CSMD3: variants seen among roughly 807,000 people sequenced by gnomAD.
CSMD3 encodes CUB and Sushi multiple domains 3.
In CSMD3, 177 loss-of-function variants were observed where a neutral mutation model predicts 435.2. That is an observed-to-expected ratio of 0.41 (90% CI 0.36 to 0.46). The LOEUF (loss-of-function observed/expected upper bound fraction) is 0.46, where lower values mean the gene tolerates loss of function less well. CSMD3 is among the 20% of genes least tolerant of loss of function. CSMD3 has a pLI of 0.34. For synonymous variants in CSMD3, 1,656 were observed against 1,520.5 expected, an observed-to-expected ratio of 1.09 and a Z score of -2.07; for missense variants, 4,265 against 4,504.6, an observed-to-expected ratio of 0.95 and a Z score of 1.52.
chr8:112,268,083 T>TA (rs532648467), intron 59 of CSMD3, among the ~76,000 whole-genome samples: 122 of 152,300 alleles, frequency 8.0e-4, no homozygotes, highest in African/African-American at 2.9e-3. Flanking sequence ...CCTTCTTAAA[T>TA]ACCCATCTCT....
chr8:112,973,539 G>C (rs972029264), intron 7 of CSMD3, among the ~76,000 whole-genome samples: 1 of 151,804 alleles, frequency 6.6e-6, no homozygotes, highest in African/African-American at 2.4e-5. Context: ...AAGCATTTTA[G>C]GCATGTGTCT....
chr8:112,990,088 C>T (rs923664053), intron 6 of CSMD3, among the ~76,000 whole-genome samples: 1 of 151,982 alleles, frequency 6.6e-6, no homozygotes, highest in Non-Finnish European at 1.5e-5. Context: ...GAGGCCTCCC[C>T]AGCCACGTGG....
intron 23 of CSMD3, among the ~76,000 whole-genome samples, chr8:112,579,150 T>C (rs1409329170): frequency 1.3e-5 from 2 of 152,052 alleles, no homozygotes; most frequent in Non-Finnish European, 2.9e-5. Context: ...CAGAACTTCA[T>C]TAGTTTGTAA....
intron 32 of CSMD3, among the ~76,000 whole-genome samples, chr8:112,423,849 C>T (rs1171935494): frequency 6.6e-6 from 1 of 152,082 alleles, no homozygotes; most frequent in African/African-American, 2.4e-5. Flanking sequence ...TGTCCCAAAG[C>T]TTTTATATAT....
chr8:113,287,005 AT>A (rs2093651577), intron 2 of CSMD3, among the ~76,000 whole-genome samples: 1 of 152,006 alleles, frequency 6.6e-6, no homozygotes, highest in Non-Finnish European at 1.5e-5. Flanking sequence ...AAGTGGTACT[AT>A]TACAAACTCT....
At chr8:112,374,377 T>C (rs1828743143) in intron 38 of CSMD3, among the ~76,000 whole-genome samples, 1 of 152,132 alleles carries the variant, frequency 6.6e-6, no homozygotes, top group Non-Finnish European at 1.5e-5. Context: ...TCTGTATCCT[T>C]TCAGTTTTCT....
At chr8:113,076,457 G>T (rs1219085781) in intron 5 of CSMD3, among the ~76,000 whole-genome samples, 3 of 151,896 alleles carry the variant, frequency 2.0e-5, no homozygotes, top group Non-Finnish European at 2.9e-5. Flanking sequence ...AAGTCCTTCA[G>T]TTAGAGGCAG....
At chr8:113,333,004 G>A (rs2094040049) in intron 1 of CSMD3, among the ~76,000 whole-genome samples, 1 of 151,610 alleles carries the variant, frequency 6.6e-6, no homozygotes, top group Non-Finnish European at 1.5e-5. Flanking sequence ...GAGTGTGGGG[G>A]AGTCAAGAGG....
intron 24 of CSMD3, among the ~76,000 whole-genome samples, chr8:112,561,438 A>T (rs137867006): frequency 2.9e-4 from 44 of 151,732 alleles, no homozygotes; most frequent in African/African-American, 8.7e-4. Context: ...CTCCAAAGAT[A>T]TCTAATATAT....
intron 3 of CSMD3, among the ~76,000 whole-genome samples, chr8:113,207,866 T>A (rs1248577368): frequency 6.6e-6 from 1 of 152,122 alleles, no homozygotes; most frequent in Admixed American, 6.5e-5. Context: ...GATTTTTAAA[T>A]CATTAGGACA....
intron 22 of CSMD3, among the ~76,000 whole-genome samples, chr8:112,602,157 A>G (rs945250589): frequency 6.6e-6 from 1 of 152,232 alleles, no homozygotes; most frequent in Non-Finnish European, 1.5e-5. Context: ...GAGACCCCCA[A>G]TATCTAATTC....
At chr8:112,405,098 G>A (rs1360538423) in intron 35 of CSMD3, among the ~76,000 whole-genome samples, 1 of 144,740 alleles carries the variant, frequency 6.9e-6, no homozygotes, top group Admixed American at 7.0e-5. Flanking sequence ...GAGGCAGGAG[G>A]CTTTAACCTG....
chr8:113,432,849 C>T (rs2094683379), intron 1 of CSMD3, among the ~76,000 whole-genome samples: 1 of 152,198 alleles, frequency 6.6e-6, no homozygotes, highest in Admixed American at 6.5e-5. Context: ...ACCCGCCAGG[C>T]GTTTCCGCCT....
At chr8:112,953,850 G>A (rs958379909) in intron 8 of CSMD3, among the ~76,000 whole-genome samples, 4 of 151,354 alleles carry the variant, frequency 2.6e-5, no homozygotes, top group Non-Finnish European at 4.4e-5. Flanking sequence ...TACTCTTGTT[G>A]AAGAATAAAA....
At chr8:113,405,569 TC>T (rs1467812954) in intron 1 of CSMD3, among the ~76,000 whole-genome samples, 1 of 151,580 alleles carries the variant, frequency 6.6e-6, no homozygotes. Flanking sequence ...GAAAACTAAG[TC>T]AGTTTCACAG....
At chr8:113,288,149 CTATT>C (rs370026823) in intron 2 of CSMD3, among the ~76,000 whole-genome samples, 94 of 151,836 alleles carry the variant, frequency 6.2e-4, no homozygotes, top group African/African-American at 2.2e-3. Flanking sequence ...ATATTCTTAA[CTATT>C]TGTGTAAAAC....
At chr8:112,549,727 T>A (rs1827509506) in intron 27 of CSMD3, among the ~76,000 whole-genome samples, 1 of 152,038 alleles carries the variant, frequency 6.6e-6, no homozygotes, top group Non-Finnish European at 1.5e-5. Flanking sequence ...CACATGATTC[T>A]GTTAGATTTA....
intron 10 of CSMD3, among the ~76,000 whole-genome samples, chr8:112,877,141 C>G (rs2081306520): frequency 6.6e-6 from 1 of 152,102 alleles, no homozygotes; most frequent in Admixed American, 6.5e-5. Flanking sequence ...ATTCCATGCT[C>G]ATGGATAGGA....
At chr8:112,360,875 CA>C (rs748925709) in intron 38 of CSMD3, among the ~76,000 whole-genome samples, 1 of 151,824 alleles carries the variant, frequency 6.6e-6, no homozygotes, top group Non-Finnish European at 1.5e-5. Context: ...TTTTTTGCAG[CA>C]GTTTCTTTTT....
Sources: gnomAD v4.1 joint callset for allele counts (sites outside exome capture counted in the v4.1 genomes callset) on GRCh38, gnomAD v4.1.1 for gene constraint, MANE v1.5 for transcripts, NCBI Gene and HGNC (gene_info 2026-07-23, HGNC 2026-07-21) for gene names.